XKR9: variants seen among roughly 807,000 people sequenced by gnomAD.
The protein encoded by XKR9 is XK-related protein 9.
Under a neutral mutation model 32.0 loss-of-function variants are expected in XKR9, and 32 were observed. The observed-to-expected ratio is 1.00, with a 90% CI of 0.76 to 1.34. XKR9 has a LOEUF of 1.34. Among genes scored for constraint, XKR9 ranks in the 40% most tolerant of loss-of-function variants. The probability of loss-of-function intolerance (pLI) is 0.00; values close to 1 mark genes in which losing one functional copy is unlikely to be tolerated. For missense variants in XKR9, 546 were observed against 429.7 expected, an observed-to-expected ratio of 1.27 and a Z score of -2.39; for synonymous variants, 168 against 143.4, an observed-to-expected ratio of 1.17 and a Z score of -1.22.
chr8:70,832,268 C>A, the XKR9 span, among the ~76,000 whole-genome samples: 1 of 152,152 alleles, frequency 6.6e-6, no homozygotes, highest in African/African-American at 2.4e-5. Context: ...CTTCAAATTT[C>A]AACGAACAAA....
At chr8:71,045,006 G>A in the XKR9 span, among the ~76,000 whole-genome samples, 2 of 152,178 alleles carry the variant, frequency 1.3e-5, no homozygotes, top group African/African-American at 4.8e-5. Context: ...ACACATTTTA[G>A]TTTTGGTGAG....
At chr8:70,813,260 A>T in the XKR9 span, among the ~76,000 whole-genome samples, 1 of 152,224 alleles carries the variant, frequency 6.6e-6, no homozygotes, top group Non-Finnish European at 1.5e-5. Context: ...CTGAAACTGG[A>T]TCCCTTCTTA....
chr8:70,911,390 TA>T, the XKR9 span, among the ~76,000 whole-genome samples: 1 of 152,334 alleles, frequency 6.6e-6, no homozygotes, highest in East Asian at 1.9e-4. Flanking sequence ...TACAAATTTA[TA>T]ATGTATTTTT....
At chr8:71,031,002 A>G in the XKR9 span, among the ~76,000 whole-genome samples, 3 of 152,186 alleles carry the variant, frequency 2.0e-5, no homozygotes, top group South Asian at 2.1e-4. Flanking sequence ...AAATAAAGAG[A>G]AATAAATTCT....
the XKR9 span, among the ~76,000 whole-genome samples, chr8:71,021,160 G>T: frequency 2.0e-5 from 3 of 152,224 alleles, no homozygotes; most frequent in East Asian, 1.9e-4. Context: ...CTAACAGCAA[G>T]AATTCATTCA....
At chr8:70,829,975 T>C in the XKR9 span, among the ~76,000 whole-genome samples, 1 of 152,256 alleles carries the variant, frequency 6.6e-6, no homozygotes. Context: ...GTTCCTGTCC[T>C]GTTTTTCTTT....
intron 3 of XKR9, among the ~76,000 whole-genome samples, chr8:70,689,597 A>G (rs1490393510): frequency 2.0e-5 from 3 of 151,660 alleles, no homozygotes; most frequent in Non-Finnish European, 4.4e-5. Context: ...TTTTAAGTGT[A>G]GCATTGTTTG....
intron 4 of XKR9, among the ~76,000 whole-genome samples, chr8:70,715,488 G>T (rs565165867): frequency 2.6e-5 from 4 of 152,042 alleles, no homozygotes; most frequent in Non-Finnish European, 5.9e-5. Context: ...CTTCACTATC[G>T]TATTGATATA....
chr8:70,881,200 T>G, the XKR9 span, among the ~76,000 whole-genome samples: 1 of 152,170 alleles, frequency 6.6e-6, no homozygotes, highest in South Asian at 2.1e-4. Context: ...ATTCAGTACA[T>G]AGGCATGGGC....
chr8:70,862,861 G>A, the XKR9 span, among the ~76,000 whole-genome samples: 32 of 152,212 alleles, frequency 2.1e-4, no homozygotes, highest in African/African-American at 7.5e-4. Context: ...TATTAGGAGA[G>A]AATTCTGTGT....
chr8:70,683,709 A>T (rs1183908486), intron 3 of XKR9: 1 of 334,438 alleles, frequency 3.0e-6, no homozygotes, highest in African/African-American at 2.2e-5. Context: ...GCTGGTCTCG[A>T]ACTCCTGACC....
chr8:70,733,896 A>T lies in XKR9; in HGVS notation c.594A>T (p.Gly198=). The T allele has an allele frequency of 6.2e-7, 1 of 1,612,604 alleles. No individual in the cohort carries two copies. Among genetic ancestry groups the T allele is most frequent in the Non-Finnish European group, 8.5e-7 (1 of 1,179,648 alleles). The change falls in exon 5 of 5, where the codon GGA becomes GGT. Residue 198 remains glycine (G), a synonymous_variant. Coordinates refer to ENST00000408926, the MANE Select transcript of XKR9 (RefSeq NM_001011720.2). ...KSLPDKKLLN[G]LCPKITYLFY... ...TGCCTGACAAAAAGCTTCTTAATGG[A>T]TTATGTCCCAAAATCACATATCTCT...
the XKR9 span, among the ~76,000 whole-genome samples, chr8:70,841,833 C>A: frequency 2.6e-5 from 4 of 152,298 alleles, no homozygotes; most frequent in South Asian, 8.3e-4. Flanking sequence ...ATTCTAATTA[C>A]TTGATTAACA....
chr8:70,784,712 T>C (rs570291315), intron 2 of XKR9, among the ~76,000 whole-genome samples: 2 of 152,250 alleles, frequency 1.3e-5, no homozygotes, highest in South Asian at 4.1e-4. Context: ...TTAATTTCCC[T>C]GGCAACCACT....
chr8:71,065,402 A>C, the XKR9 span, among the ~76,000 whole-genome samples: 7 of 152,240 alleles, frequency 4.6e-5, no homozygotes, highest in East Asian at 1.4e-3. Context: ...TCACCTGCAA[A>C]CCCCAAAGAG....
At position 70,734,631 on chromosome 8, in the gene XKR9, ACTG is replaced by A; in HGVS notation, c.*209_*211del. The A allele has an allele frequency of 1.9e-6, 1 of 517,782 alleles. No individual in the cohort carries two copies. The highest frequency in any genetic ancestry group is 2.8e-6 in the Non-Finnish European group (1 of 358,738). 32.1% of individuals were successfully genotyped at this position (517,782 alleles called of 1,614,324 possible). A position where few individuals can be genotyped will look rare whatever the true frequency, so the allele number is the denominator to read the frequency against. ...ATCTTGAGTACTCAGATATCTTTCT[ACTG>A]CCTGGTAGAGCTGCCATCTTGAGCC... On this transcript the variant is annotated 3_prime_UTR_variant, in exon 5 of 5. Coordinates refer to ENST00000408926, the MANE Select transcript of XKR9 (RefSeq NM_001011720.2).
the XKR9 span, among the ~76,000 whole-genome samples, chr8:70,860,443 G>A: frequency 6.6e-6 from 1 of 152,074 alleles, no homozygotes; most frequent in South Asian, 2.1e-4. Flanking sequence ...CCAGAACTAT[G>A]AGAAATATAT....
At chr8:71,027,438 TACTA>T in the XKR9 span, among the ~76,000 whole-genome samples, 12 of 147,962 alleles carry the variant, frequency 8.1e-5, no homozygotes, top group Admixed American at 1.4e-4. Flanking sequence ...TATTTAATAA[TACTA>T]ACTTTTATAT....
rs564741918 is a variant in XKR9 at position 70,672,155 on chromosome 8, T to A, written c.-361+2617T>A. On this transcript the variant is annotated intron_variant, in intron 1 of 4. Coordinates refer to ENST00000408926, the MANE Select transcript of XKR9 (RefSeq NM_001011720.2). Reference sequence around the variant, plus strand: ...AATGGCCATACTGCCCAAGGTAATTTACAGATTCAATGCCATCCCCATCAA... The same window carrying A: ...AATGGCCATACTGCCCAAGGTAATTAACAGATTCAATGCCATCCCCATCAA... Among the ~76,000 whole-genome samples, 119 of 60,538 alleles carry A rather than the reference T, an allele frequency of 2.0e-3. 7 individuals carry two copies. The highest frequency in any genetic ancestry group is 0.012 in the Middle Eastern group (2 of 164). The allele number at this position is 60,538 out of a possible 152,430, so 39.7% of individuals were successfully genotyped here. A position where few individuals can be genotyped will look rare whatever the true frequency, so the allele number is the denominator to read the frequency against.
Sources: gnomAD v4.1 joint callset for allele counts (sites outside exome capture counted in the v4.1 genomes callset) on GRCh38, gnomAD v4.1.1 for gene constraint, MANE v1.5 for transcripts, NCBI Gene and HGNC (gene_info 2026-07-23, HGNC 2026-07-21) for gene names.